Variants in NHS observed in about 807,000 individuals in gnomAD.
NHS encodes the protein actin remodeling regulator NHS.
A neutral mutation model predicts 72.5 loss-of-function variants in NHS; 5 were observed. The observed-to-expected ratio is 0.07, with a 90% CI of 0.04 to 0.14. NHS has a LOEUF of 0.14. Among genes scored for constraint, NHS ranks in the 10% least tolerant of loss-of-function variants. The pLI is 1.00. For synonymous variants in NHS, 464 were observed against 547.7 expected, an observed-to-expected ratio of 0.85 and a Z score of 2.13; for missense variants, 1,072 against 1,355.7, an observed-to-expected ratio of 0.79 and a Z score of 3.29.
At chrX:17,681,562 G>A (rs2066128738) in intron 1 of NHS, among the ~76,000 whole-genome samples, 1 of 111,428 alleles carries the variant, frequency 9.0e-6, no homozygotes, top group Non-Finnish European at 1.9e-5. Flanking sequence ...ATCACTCAGA[G>A]ATCAAAAAGT....
chrX:17,609,748 C>G (rs2065700189), intron 1 of NHS, among the ~76,000 whole-genome samples: 1 of 111,208 alleles, frequency 9.0e-6, no homozygotes, highest in Non-Finnish European at 1.9e-5. Flanking sequence ...TTAAGGGGAC[C>G]ATTGATCTAT....
intron 1 of NHS, chrX:17,585,799 C>G (rs2065572295): frequency 2.8e-5 from 3 of 108,279 alleles, no homozygotes; most frequent in African/African-American, 1.0e-4. Flanking sequence ...AAATCACATT[C>G]TAGATGAGCT....
chrX:17,493,504 G>A (rs1453096759), intron 1 of NHS, among the ~76,000 whole-genome samples: 1 of 111,906 alleles, frequency 8.9e-6, no homozygotes, highest in Non-Finnish European at 1.9e-5. Flanking sequence ...TTGTCTGCTT[G>A]TCCACTGCAT....
At chrX:17,619,182 A>G (rs1330955495) in intron 1 of NHS, among the ~76,000 whole-genome samples, 1 of 112,061 alleles carries the variant, frequency 8.9e-6, no homozygotes, top group Non-Finnish European at 1.9e-5. Flanking sequence ...TAGTCCTCCA[A>G]ATAGTCTCTC....
At chrX:17,676,541 C>G (rs1285368298) in intron 1 of NHS, among the ~76,000 whole-genome samples, 1 of 112,723 alleles carries the variant, frequency 8.9e-6, no homozygotes, top group Non-Finnish European at 1.9e-5. Context: ...TTGTTAAACC[C>G]ATAACTATTT....
intron 1 of NHS, among the ~76,000 whole-genome samples, chrX:17,595,450 T>A (rs1339666142): frequency 8.9e-6 from 1 of 112,359 alleles, no homozygotes; most frequent in African/African-American, 3.2e-5. Flanking sequence ...TTCTGTCTTC[T>A]ATCTCCAGGT....
intron 1 of NHS, chrX:17,528,503 G>A (rs752266349): frequency 2.1e-4 from 23 of 112,117 alleles, no homozygotes; most frequent in South Asian, 3.8e-4. Context: ...TAACTGGGTC[G>A]TGCATGTCAG....
intron 1 of NHS, among the ~76,000 whole-genome samples, chrX:17,471,057 G>A (rs967564902): frequency 6.3e-5 from 7 of 111,792 alleles, no homozygotes; most frequent in Non-Finnish European, 1.3e-4. Flanking sequence ...TGGAACTTAT[G>A]TTTAATGGGA....
At position 17,721,486 on chromosome X, in the gene NHS, A is replaced by C. The variant is rs1025399059; in HGVS notation, c.961A>C (p.Arg321=). The C allele has an allele frequency of 5.8e-6, 7 of 1,209,883 alleles. No homozygotes were observed. Among genetic ancestry groups the C allele is most frequent in the Middle Eastern group, 4.6e-4 (2 of 4,373 alleles). The stretch of plus-strand genomic sequence containing the variant: ...AGATACAGATGTCATGTTAGGGCAG[A>C]GGCCGAAAAACCCAATACACAATAT... ...DEDTDVMLGQ[R]PKNPIHNIPS... is the part of the protein sequence containing the mutation. The change falls in exon 5 of 9, where the codon AGG becomes CGG. Residue 321 remains arginine (R), a synonymous_variant. Transcript: ENST00000676302.
At chrX:17,731,190 A>G in intron 8 of NHS, among the ~76,000 whole-genome samples, 1 of 104,904 alleles carries the variant, frequency 9.5e-6, no homozygotes, top group Admixed American at 1.0e-4. Flanking sequence ...CCCTGGAACC[A>G]GAAGTATAGT....
intron 1 of NHS, among the ~76,000 whole-genome samples, chrX:17,538,345 G>T (rs769339164): frequency 9.0e-6 from 1 of 111,498 alleles, no homozygotes; most frequent in Non-Finnish European, 1.9e-5. Context: ...TGCTCAGGGG[G>T]GTCCTGGAAG....
chrX:17,572,958 G>T (rs5909399), intron 1 of NHS, among the ~76,000 whole-genome samples: 49,362 of 110,479 alleles, frequency 0.45, 8,946 homozygotes, highest in East Asian at 0.75. Context: ...GGCTGGATAT[G>T]AAATTCTGGG....
intron 1 of NHS, among the ~76,000 whole-genome samples, chrX:17,492,189 T>C (rs1311387253): frequency 1.3e-4 from 14 of 111,729 alleles, no homozygotes; most frequent in Non-Finnish European, 2.6e-4. Context: ...TTGAATTTGA[T>C]TGCTCTTGCT....
In NHS at chrX:17,725,753, A is replaced by G. The variant is rs984203417; in HGVS notation, c.1647A>G (p.Pro549=). ...CCCCTAATGATTTCAGTGAGGCTCC[A>G]AGCAGCCCGAGTGCCCAGGACCACC... The part of the protein sequence containing the change: ...ERTPNDFSEA[P]SSPSAQDHQP... Residue 549 remains proline (P), a synonymous_variant, in exon 7 of 9, where the codon CCA becomes CCG. Coordinates refer to ENST00000676302, the MANE Select transcript of NHS (RefSeq NM_001291867.2). The G allele has an allele frequency of 6.6e-6, 8 of 1,209,157 alleles. No homozygotes were observed. The highest frequency in any genetic ancestry group is 6.7e-6 in the Non-Finnish European group (6 of 895,040).
At chrX:17,491,538 A>T (rs1270295865) in intron 1 of NHS, among the ~76,000 whole-genome samples, 1 of 110,670 alleles carries the variant, frequency 9.0e-6, no homozygotes. Flanking sequence ...TTTATTGAGG[A>T]TTTTTGCATC....
At chrX:17,604,584 G>A (rs1489977140) in intron 1 of NHS, among the ~76,000 whole-genome samples, 1 of 112,322 alleles carries the variant, frequency 8.9e-6, no homozygotes, top group Non-Finnish European at 1.9e-5. Flanking sequence ...GGAAGAAGGG[G>A]AGAAGGAGTT....
intron 1 of NHS, among the ~76,000 whole-genome samples, chrX:17,467,212 T>G (rs956914220): frequency 1.1e-4 from 12 of 112,095 alleles, no homozygotes; most frequent in Non-Finnish European, 3.8e-5. Flanking sequence ...ATGAAGATGG[T>G]CTTACTGAAG....
At chrX:17,608,818 A>G (rs142826181) in intron 1 of NHS, among the ~76,000 whole-genome samples, 1,413 of 112,092 alleles carry the variant, frequency 0.013, 27 homozygotes, top group African/African-American at 0.044. Flanking sequence ...AAAACCTGCT[A>G]TCTATACTCA....
intron 1 of NHS, among the ~76,000 whole-genome samples, chrX:17,678,226 A>G (rs754821379): frequency 1.4e-3 from 152 of 110,885 alleles, no homozygotes; most frequent in Non-Finnish European, 2.6e-3. Flanking sequence ...GACAGGATTA[A>G]GAGTGGCTTT....
Sources: gnomAD v4.1 joint callset for allele counts (sites outside exome capture counted in the v4.1 genomes callset) on GRCh38, gnomAD v4.1.1 for gene constraint, MANE v1.5 for transcripts, NCBI Gene and HGNC (gene_info 2026-07-23, HGNC 2026-07-21) for gene names.